GPM6A: variants seen among roughly 807,000 people sequenced by gnomAD.
GPM6A encodes glycoprotein M6A, also known as neuronal membrane glycoprotein M6-a.
In GPM6A, 7 loss-of-function variants were observed where a neutral mutation model predicts 32.1. The ratio of observed to expected loss-of-function variants is 0.22; its 90% CI spans 0.12 to 0.41. The LOEUF is 0.41. Among genes scored for constraint, GPM6A ranks in the 10% least tolerant of loss-of-function variants. GPM6A has a pLI of 1.00. For missense variants in GPM6A, 235 were observed against 347.2 expected, an observed-to-expected ratio of 0.68 and a Z score of 2.57; for synonymous variants, 130 against 123.4, an observed-to-expected ratio of 1.05 and a Z score of -0.35.
intron 1 of GPM6A, among the ~76,000 whole-genome samples, chr4:175,730,090 A>T (rs1014752337): frequency 1.3e-5 from 2 of 151,832 alleles, no homozygotes; most frequent in African/African-American, 2.4e-5. Flanking sequence ...TTTTTAAAAA[A>T]TTTTACAAAT....
intron 1 of GPM6A, among the ~76,000 whole-genome samples, chr4:175,879,559 T>A (rs957421397): frequency 6.6e-6 from 1 of 152,138 alleles, no homozygotes; most frequent in Admixed American, 6.6e-5. Context: ...TCATTCACTA[T>A]CATGAGAACA....
At chr4:175,904,566 G>A (rs1225434349) in intron 1 of GPM6A, among the ~76,000 whole-genome samples, 1 of 152,042 alleles carries the variant, frequency 6.6e-6, no homozygotes, top group Non-Finnish European at 1.5e-5. Flanking sequence ...GTCAAAAGTA[G>A]ACTACCACCA....
intron 1 of GPM6A, among the ~76,000 whole-genome samples, chr4:175,726,058 T>A (rs1746391347): frequency 1.3e-5 from 2 of 148,948 alleles, no homozygotes; most frequent in East Asian, 4.1e-4. Context: ...AGTGGCGCGA[T>A]CTCGGCTCAC....
At chr4:175,668,501 T>C (rs1250746833) in intron 3 of GPM6A, among the ~76,000 whole-genome samples, 1 of 37,646 alleles carries the variant, frequency 2.7e-5, no homozygotes, top group Non-Finnish European at 1.1e-4. Flanking sequence ...ATTCCCACAG[T>C]TTAGGATTCA....
At chr4:175,903,966 G>T (rs891823340) in intron 1 of GPM6A, among the ~76,000 whole-genome samples, 4 of 152,072 alleles carry the variant, frequency 2.6e-5, no homozygotes, top group Admixed American at 2.6e-4. Flanking sequence ...TCCTTCTGGG[G>T]AAATACATGT....
At chr4:176,002,228 G>A in intron 1 of GPM6A, 1 of 1,416,518 alleles carries the variant, frequency 7.1e-7, no homozygotes, top group Admixed American at 1.9e-5. Flanking sequence ...TGAGGCCGAG[G>A]AACATTCATT....
intron 1 of GPM6A, among the ~76,000 whole-genome samples, chr4:175,740,263 T>C (rs1437225037): frequency 6.6e-6 from 1 of 151,964 alleles, no homozygotes; most frequent in Non-Finnish European, 1.5e-5. Context: ...AAAATGAAAA[T>C]ACATAGAAAG....
intron 1 of GPM6A, among the ~76,000 whole-genome samples, chr4:175,703,425 C>A (rs1337375910): frequency 6.6e-6 from 1 of 152,178 alleles, no homozygotes. Context: ...TCCACCCTAG[C>A]CTCCCAAAGT....
chr4:175,950,712 T>C (rs1032008487), intron 1 of GPM6A, among the ~76,000 whole-genome samples: 2 of 152,206 alleles, frequency 1.3e-5, no homozygotes, highest in East Asian at 1.9e-4. Flanking sequence ...AGTCCTCACT[T>C]ACATTTAGAG....
At position 175,701,782 on chromosome 4, in the gene GPM6A, A is replaced by AAAGGGAGAAATTCATATTTTTGTTAACC; in HGVS notation, c.38-43_38-16dup. 2 of 1,557,742 alleles carry AAAGGGAGAAATTCATATTTTTGTTAACC rather than the reference A, an allele frequency of 1.3e-6. No individual in the cohort carries two copies. The highest frequency in any genetic ancestry group is 1.7e-6 in the Non-Finnish European group (2 of 1,144,784). ...TTCAAAACACCCTGTAGAAGATCAC[A>AAAGGGAGAAATTCATATTTTTGTTAACC]AAGGGAGAAATTCATATTTTTGTTA... On this transcript the variant is annotated splice_polypyrimidine_tract_variant and intron_variant, in intron 1 of 6. Transcript: ENST00000393658.
intron 2 of GPM6A, among the ~76,000 whole-genome samples, chr4:175,676,977 G>A (rs1743406137): frequency 5.3e-5 from 8 of 151,854 alleles, no homozygotes; most frequent in Admixed American, 3.9e-4. Context: ...TATATCCTTT[G>A]TGGCTCAAAC....
chr4:175,651,361 CGT>C (rs1491242231), intron 4 of GPM6A, among the ~76,000 whole-genome samples: 7 of 16,802 alleles, frequency 4.2e-4, no homozygotes, highest in African/African-American at 2.7e-3. Context: ...ATTTATTTAG[CGT>C]TTTTTTTTTT....
At chr4:175,740,015 T>G (rs986353552) in intron 1 of GPM6A, among the ~76,000 whole-genome samples, 2 of 152,088 alleles carry the variant, frequency 1.3e-5, no homozygotes, top group East Asian at 3.8e-4. Context: ...TGACCAATAC[T>G]TTGCTAAGAC....
Position 175,697,571 on chromosome 4 carries a change from A to G in GPM6A, c.230+4004T>C, listed in dbSNP as rs181969558. On this transcript the variant is annotated intron_variant, in intron 2 of 6. Transcript: ENST00000393658. The stretch of plus-strand genomic sequence containing the variant: ...ACACTTCTTATCAAAACAGTTTGGA[A>G]CTAACAAATGACCTGGCTTTGAGAA... Among the ~76,000 whole-genome samples, 673 of 152,320 alleles carry G rather than the reference A, an allele frequency of 4.4e-3. 3 individuals are homozygous for G. The highest frequency in any genetic ancestry group is 0.017 in the Middle Eastern group (5 of 294).
chr4:175,819,103 G>T (rs113970076), intron 1 of GPM6A, among the ~76,000 whole-genome samples: 1 of 152,116 alleles, frequency 6.6e-6, no homozygotes, highest in Non-Finnish European at 1.5e-5. Context: ...ATCTCTTTCT[G>T]GTAATTATGT....
intron 1 of GPM6A, among the ~76,000 whole-genome samples, chr4:175,909,167 A>G (rs1220643845): frequency 2.0e-5 from 3 of 152,124 alleles, no homozygotes; most frequent in Non-Finnish European, 4.4e-5. Context: ...TAGGTCAGAA[A>G]ATATCACCAA....
chr4:175,759,300 G>C (rs776818233), intron 1 of GPM6A, among the ~76,000 whole-genome samples: 5 of 151,976 alleles, frequency 3.3e-5, no homozygotes, highest in Admixed American at 1.3e-4. Context: ...AGGAATACGG[G>C]GGGGGCAAGA....
At chr4:175,926,254 A>G (rs187918615) in intron 1 of GPM6A, among the ~76,000 whole-genome samples, 112 of 152,332 alleles carry the variant, frequency 7.4e-4, no homozygotes, top group African/African-American at 2.4e-3. Flanking sequence ...AAAGTATCCA[A>G]TAAAAGGAAT....
chr4:175,974,198 C>T (rs539806568), intron 1 of GPM6A, among the ~76,000 whole-genome samples: 1 of 152,014 alleles, frequency 6.6e-6, no homozygotes, highest in African/African-American at 2.4e-5. Context: ...CTACTGCACT[C>T]CAGCCTGGGA....
Sources: gnomAD v4.1 joint callset for allele counts (sites outside exome capture counted in the v4.1 genomes callset) on GRCh38, gnomAD v4.1.1 for gene constraint, MANE v1.5 for transcripts, NCBI Gene and HGNC (gene_info 2026-07-23, HGNC 2026-07-21) for gene names.